Variants in HMCN1 observed in about 807,000 individuals in gnomAD.
HMCN1 encodes hemicentin-1.
A neutral mutation model predicts 625.9 loss-of-function variants in HMCN1; 321 were observed. The observed-to-expected ratio is 0.51, with a 90% CI of 0.47 to 0.56. HMCN1 has a LOEUF of 0.56. HMCN1 is among the 20% of genes least tolerant of loss of function. The probability of loss-of-function intolerance (pLI) is 0.00; values close to 1 mark genes in which losing one functional copy is unlikely to be tolerated. For synonymous variants in HMCN1, 2,425 were observed against 2,417.6 expected (o/e 1.00, Z -0.09); for missense variants, 6,588 against 6,887.3 (o/e 0.96, Z 1.54).
intron 1 of HMCN1, among the ~76,000 whole-genome samples, chr1:185,827,920 A>G (rs917786510): frequency 2.6e-5 from 4 of 152,302 alleles, no homozygotes; most frequent in African/African-American, 7.2e-5. Flanking sequence ...TTTAGAACAC[A>G]CTGAATGCTA....
intron 100 of HMCN1, 136 bp downstream of exon 100, chr1:186,167,078 C>A: frequency 9.2e-7 from 1 of 1,090,092 alleles, no homozygotes; most frequent in South Asian, 1.3e-5. Context: ...AGGAGATATC[C>A]AGCAAGAGGG....
intron 68 of HMCN1, among the ~76,000 whole-genome samples, chr1:186,096,478 T>C (rs1660144750): frequency 6.6e-6 from 1 of 152,140 alleles, no homozygotes; most frequent in African/African-American, 2.4e-5. Flanking sequence ...GAGTTTCTTC[T>C]GTAGAGGGAA....
intron 54 of HMCN1, among the ~76,000 whole-genome samples, chr1:186,076,932 ATAT>A (rs1395806410): frequency 6.6e-6 from 1 of 152,196 alleles, no homozygotes; most frequent in Non-Finnish European, 1.5e-5. Flanking sequence ...TGGTTTATAT[ATAT>A]TATTAACATA....
At chr1:185,739,044 C>T (rs1231517158) in intron 1 of HMCN1, among the ~76,000 whole-genome samples, 1 of 152,128 alleles carries the variant, frequency 6.6e-6, no homozygotes, top group East Asian at 1.9e-4. Flanking sequence ...CAAGTAAGTT[C>T]CAGTGTCTGT....
chr1:185,927,601 A>G (rs922029041), intron 9 of HMCN1, among the ~76,000 whole-genome samples: 1 of 152,120 alleles, frequency 6.6e-6, no homozygotes, highest in Non-Finnish European at 1.5e-5. Context: ...TTTTTTGATG[A>G]TAAGTATGGT....
chr1:186,144,777 C>T lies in HMCN1; in HGVS notation c.14266+74C>T, dbSNP rs950970042. 8 of 1,547,010 alleles carry T rather than the reference C, an allele frequency of 5.2e-6. No individual in the cohort carries two copies. In the Admixed American group the frequency reaches 1.0e-4, roughly 20 times the overall value. Reference sequence around the variant, plus strand: ...TTATGACTGTAATTCCTTAAAGTTGCAATATTCCGTTATTTGGTTCTTCAA... The same window carrying T: ...TTATGACTGTAATTCCTTAAAGTTGTAATATTCCGTTATTTGGTTCTTCAA... On this transcript the variant is annotated intron_variant, in intron 91 of 106. Coordinates refer to ENST00000271588, the MANE Select transcript of HMCN1 (RefSeq NM_031935.3).
At chr1:185,742,057 G>A (rs945142953) in intron 1 of HMCN1, among the ~76,000 whole-genome samples, 1 of 152,186 alleles carries the variant, frequency 6.6e-6, no homozygotes, top group Non-Finnish European at 1.5e-5. Flanking sequence ...GATTCAACAA[G>A]TATTTTATGA....
chr1:185,993,431 T>C, intron 23 of HMCN1, 122 bp downstream of exon 23: 1 of 1,074,006 alleles, frequency 9.3e-7, no homozygotes, highest in Non-Finnish European at 1.4e-6. Flanking sequence ...AAAAAAATTC[T>C]CTAAAATCTG....
intron 6 of HMCN1, among the ~76,000 whole-genome samples, chr1:185,918,348 G>A (rs1211465855): frequency 6.6e-6 from 1 of 152,180 alleles, no homozygotes; most frequent in Non-Finnish European, 1.5e-5. Flanking sequence ...CATCCATCAT[G>A]GGAGAAAGAT....
chr1:186,045,682 A>G lies in HMCN1; in HGVS notation c.6305-6A>G, dbSNP rs779545566. ...TATCCTGAAAGAAAACCCATCTTTC[A>G]TGTAGTTCCGCCAAATATTATGGGA... On this transcript the variant is annotated splice_region_variant and splice_polypyrimidine_tract_variant and intron_variant, in intron 40 of 106. Coordinates refer to ENST00000271588, the MANE Select transcript of HMCN1 (RefSeq NM_031935.3). 1.2e-6 allele frequency: 2 copies of G among 1,612,102 alleles called. No individual in the cohort carries two copies. Among genetic ancestry groups the G allele is most frequent in the African/African-American group, 1.3e-5 (1 of 74,980 alleles).
At chr1:185,970,041 C>T (rs183291227) in intron 14 of HMCN1, among the ~76,000 whole-genome samples, 2 of 152,160 alleles carry the variant, frequency 1.3e-5, no homozygotes, top group African/African-American at 4.8e-5. Flanking sequence ...TCCCCACTCC[C>T]TTGTTACCTA....
intron 1 of HMCN1, among the ~76,000 whole-genome samples, chr1:185,801,417 C>T (rs1003894626): frequency 2.6e-5 from 4 of 152,180 alleles, no homozygotes; most frequent in African/African-American, 9.6e-5. Context: ...GTAGTTTGGT[C>T]ATTTGCTCCT....
chr1:186,088,391 A>G, intron 62 of HMCN1, 115 bp downstream of exon 62: 1 of 1,522,904 alleles, frequency 6.6e-7, no homozygotes. Flanking sequence ...GTTTAGTTCA[A>G]GAAGGCTAAC....
At chr1:186,066,391 G>A (rs1445025767) in intron 49 of HMCN1, among the ~76,000 whole-genome samples, 1 of 152,076 alleles carries the variant, frequency 6.6e-6, no homozygotes, top group Non-Finnish European at 1.5e-5. Context: ...AAGTGCATGT[G>A]TTTGCAACTT....
intron 1 of HMCN1, among the ~76,000 whole-genome samples, chr1:185,738,210 T>C (rs1653726993): frequency 6.6e-6 from 1 of 152,196 alleles, no homozygotes; most frequent in African/African-American, 2.4e-5. Flanking sequence ...TGCTTTTCAG[T>C]ATATTCACAG....
Position 185,933,789 on chromosome 1 carries a change from G to T in HMCN1, c.1793G>T (p.Gly598Val), listed in dbSNP as rs1312686179. Reference protein sequence around the residue: ...EYHCMVSSEGGSSAASVFLTV... With the variant: ...EYHCMVSSEGVSSAASVFLTV... ...CATTGTATGGTTTCTAGTGAAGGTG[G>T]ATCATCAGCCGCTTCAGTTTTCCTC... Residue 598 changes from glycine (G) to valine (V), a missense_variant, in exon 11 of 107, where the codon GGA becomes GTA. By Grantham distance (109) the Gly-to-Val change is moderately radical. Transcript: ENST00000271588. 2 of 1,613,940 alleles carry T rather than the reference G, an allele frequency of 1.2e-6. No individual in the cohort carries two copies. Among genetic ancestry groups the T allele is most frequent in the East Asian group, 2.2e-5 (1 of 44,880 alleles).
chr1:186,067,930 C>T lies in HMCN1; in HGVS notation c.7802C>T (p.Ser2601Leu). The part of the protein sequence containing the change: ...SPTSLVCEAY[S>L]YPPATITWFK... ...ACATCTTTGGTCTGTGAAGCTTATT[C>T]ATATCCTCCAGCTACCATCACCTGG... The change falls in exon 50 of 107, where the codon TCA (serine) becomes TTA (leucine). Residue 2601 changes from serine (S) to leucine (L), a missense_variant. By Grantham distance (145) the Ser-to-Leu change is moderately radical. Coordinates refer to ENST00000271588, the MANE Select transcript of HMCN1 (RefSeq NM_031935.3). The T allele has an allele frequency of 1.2e-6, 2 of 1,613,278 alleles. No individual in the cohort carries two copies. The highest frequency in any genetic ancestry group is 1.7e-6 in the Non-Finnish European group (2 of 1,179,256).
chr1:185,739,420 G>A (rs190877141), intron 1 of HMCN1, among the ~76,000 whole-genome samples: 1 of 152,280 alleles, frequency 6.6e-6, no homozygotes, highest in East Asian at 1.9e-4. Flanking sequence ...GAGGAGGGCT[G>A]ATCATCTCTC....
At position 186,086,170 on chromosome 1, in the gene HMCN1, G is replaced by A. The variant is rs372418673; in HGVS notation, c.8885-76G>A. On this transcript the variant is annotated intron_variant, in intron 57 of 106. Transcript: ENST00000271588. ...CTCAGTCCTTTAGCAGAGTACAGTG[G>A]TTGGATTTATATTTAGTAAATGGGA... 526 of 1,340,158 alleles carry A rather than the reference G, an allele frequency of 3.9e-4. 6 individuals are homozygous for A. The South Asian group carries it at 5.8e-3, about 15-fold the overall frequency. 83.0% of individuals were successfully genotyped at this position (1,340,158 alleles called of 1,614,324 possible).
Sources: allele counts gnomAD v4.1 joint callset (sites outside exome capture counted in the v4.1 genomes callset), GRCh38; gene constraint gnomAD v4.1.1; transcripts MANE v1.5; gene names NCBI Gene and HGNC (gene_info 2026-07-23, HGNC 2026-07-21).